Variants in LRRC28 observed in about 807,000 individuals in gnomAD.
LRRC28 encodes the protein leucine rich repeat containing 28, also known as leucine-rich repeat-containing protein 28.
LRRC28 carries 39 observed loss-of-function variants against 45.7 expected under a neutral mutation model. The observed-to-expected ratio is 0.85, with a 90% confidence interval of 0.66 to 1.12. The LOEUF is 1.12. Among genes scored for constraint, LRRC28 ranks in the 50% most tolerant of loss-of-function variants. The pLI is 0.00. For missense variants in LRRC28, 435 were observed against 438.5 expected (o/e 0.99, Z 0.07); for synonymous variants, 206 against 178.8 (o/e 1.15, Z -1.22).
At chr15:99,329,278 A>G (rs1251304329) in intron 5 of LRRC28, among the ~76,000 whole-genome samples, 1 of 152,248 alleles carries the variant, frequency 6.6e-6, no homozygotes, top group South Asian at 2.1e-4. Flanking sequence ...CAGACTTTCA[A>G]ACAGACAGCA....
intron 5 of LRRC28, among the ~76,000 whole-genome samples, chr15:99,316,524 G>A (rs1443557707): frequency 6.6e-6 from 1 of 152,064 alleles, no homozygotes; most frequent in African/African-American, 2.4e-5. Flanking sequence ...AGATTTGAAG[G>A]AAATTATGGA....
At chr15:99,312,844 A>G (rs901865752) in intron 5 of LRRC28, among the ~76,000 whole-genome samples, 4 of 152,342 alleles carry the variant, frequency 2.6e-5, no homozygotes, top group African/African-American at 9.6e-5. Flanking sequence ...TCATGACTGT[A>G]TGAGATAAAA....
rs903993518 is a variant in LRRC28 at position 99,387,901 on chromosome 15, TAC to T, written c.*1801_*1802del. The T allele has an allele frequency of 1.1e-4, 17 of 152,344 alleles. No individual in the cohort carries two copies. The highest frequency in any genetic ancestry group is 3.8e-4 in the African/African-American group (16 of 41,574). The allele number at this position is 152,344 out of a possible 1,614,324, so 9.4% of individuals were successfully genotyped here. On this transcript the variant is annotated 3_prime_UTR_variant, in exon 10 of 10. Transcript: ENST00000301981. ...GTTACTGACAAATGTGTGATCTTTTTACAGTCACAACACCTGCTGCCCGGAAA... is the reference window on the plus strand; with the variant it reads ...GTTACTGACAAATGTGTGATCTTTTTAGTCACAACACCTGCTGCCCGGAAA...
chr15:99,256,408 T>A (rs1386857393), intron 2 of LRRC28: 1 of 214,020 alleles, frequency 4.7e-6, no homozygotes, highest in African/African-American at 2.3e-5. Flanking sequence ...TCGTTTAGCA[T>A]GTGCTTCTGT....
At position 99,295,016 on chromosome 15, in the gene LRRC28, T is replaced by C. The variant is rs549565102; in HGVS notation, c.385+7065T>C. Among the ~76,000 whole-genome samples, 4 of 152,360 alleles carry C rather than the reference T, an allele frequency of 2.6e-5. No individual in the cohort carries two copies. The East Asian group carries it at 7.7e-4, about 29-fold the overall frequency. ...CATGGGGCTCGCCTCTTGTGTTCCC[T>C]AGATTTTAAGGATTGTAGTTCTGGG... On this transcript the variant is annotated intron_variant, in intron 5 of 9. Transcript: ENST00000301981.
chr15:99,296,201 G>A (rs773232225), intron 5 of LRRC28, among the ~76,000 whole-genome samples: 11 of 152,294 alleles, frequency 7.2e-5, no homozygotes, highest in Non-Finnish European at 1.3e-4. Context: ...ACAAGCCTGG[G>A]CACAGATGCT....
intron 5 of LRRC28, among the ~76,000 whole-genome samples, chr15:99,311,112 G>A (rs529690659): frequency 1.6e-4 from 25 of 152,234 alleles, no homozygotes; most frequent in Non-Finnish European, 3.4e-4. Flanking sequence ...AGCTATCTGG[G>A]CATGCACAGA....
In LRRC28 at chr15:99,334,080, C is replaced by G. The variant is rs760727794; in HGVS notation, c.543C>G (p.Ser181Arg). Residue 181 changes from serine to arginine, a missense_variant, in exon 6 of 10, where the codon AGC (serine) becomes AGG (arginine). By Grantham distance (110) the Ser-to-Arg change is moderately radical (BLOSUM62 -1). Transcript: ENST00000301981. ...YVPRHLCQLP[S>R]LNELSMAGNR... ...CGCGCCATCTCTGCCAGCTGCCCAG[C>G]CTCAATGAGCTCTCCATGGCTGGAA... 1 of 1,614,024 alleles carries G rather than the reference C, an allele frequency of 6.2e-7. No individual in the cohort carries two copies. Among genetic ancestry groups the G allele is most frequent in the African/African-American group, 1.3e-5 (1 of 74,914 alleles).
intron 5 of LRRC28, among the ~76,000 whole-genome samples, chr15:99,301,339 T>C (rs1954962074): frequency 6.6e-6 from 1 of 152,238 alleles, no homozygotes; most frequent in African/African-American, 2.4e-5. Flanking sequence ...GAGTTACTAA[T>C]AATTTTATCT....
chr15:99,312,364 G>T (rs1330556355), intron 5 of LRRC28, among the ~76,000 whole-genome samples: 3 of 152,134 alleles, frequency 2.0e-5, no homozygotes, highest in Non-Finnish European at 2.9e-5. Flanking sequence ...GGCCTACACA[G>T]GGTCAAGATA....
In LRRC28 at chr15:99,363,133, T is replaced by C; in HGVS notation, c.899T>C (p.Leu300Ser). Residue 300 changes from leucine to serine, a missense_variant, in exon 9 of 10, where the codon TTA becomes TCA. Physicochemically the swap from Leu to Ser is moderately radical, Grantham distance 145 (BLOSUM62 -2). Transcript: ENST00000301981. ...TTGAACTTTCTGTCTCCAATCTCATTACCCAGAAGTCTCCTAGAGCTGCTG... is the reference window on the plus strand; with the variant it reads ...TTGAACTTTCTGTCTCCAATCTCATCACCCAGAAGTCTCCTAGAGCTGCTG... ...KDLNFLSPIS[L>S]PRSLLELLHC... 6.2e-7 allele frequency: 1 copy of C among 1,610,980 alleles called. No homozygotes were observed. Among genetic ancestry groups the C allele is most frequent in the East Asian group, 2.2e-5 (1 of 44,786 alleles).
chr15:99,307,219 T>G (rs1315757802), intron 5 of LRRC28, among the ~76,000 whole-genome samples: 1 of 152,078 alleles, frequency 6.6e-6, no homozygotes, highest in Non-Finnish European at 1.5e-5. Context: ...GTGGGTTGGG[T>G]AGGGAGAACG....
At chr15:99,252,387 T>C (rs750382648) in intron 1 of LRRC28, among the ~76,000 whole-genome samples, 22 of 152,358 alleles carry the variant, frequency 1.4e-4, no homozygotes, top group Non-Finnish European at 3.1e-4. Flanking sequence ...TTGTAGCAAT[T>C]TTAACAGAGT....
At position 99,390,199 on chromosome 15, in the gene LRRC28, T is replaced by TG. The variant is rs1392786658; in HGVS notation, c.*4098dup. 6.6e-6 allele frequency: 1 copy of TG among 152,248 alleles called. No homozygotes were observed. The highest frequency in any genetic ancestry group is 1.5e-5 in the Non-Finnish European group (1 of 68,054). The allele number at this position is 152,248 out of a possible 1,614,324, so 9.4% of individuals were successfully genotyped here. On this transcript the variant is annotated 3_prime_UTR_variant, in exon 10 of 10. Coordinates refer to ENST00000301981, the MANE Select transcript of LRRC28 (RefSeq NM_144598.5). ...CATCAGCTAATAGATCTGAAAGTGA[T>TG]GCCGGTGTCTCTAGGAAAGGAATTG...
At chr15:99,297,053 C>T (rs12908043) in intron 5 of LRRC28, among the ~76,000 whole-genome samples, 8,095 of 151,722 alleles carry the variant, frequency 0.053, 284 homozygotes, top group Admixed American at 0.11. Flanking sequence ...TGGTGGTGGG[C>T]GCCTGTAATC....
At chr15:99,354,092 A>G (rs1163684481) in intron 7 of LRRC28, 2 of 152,218 alleles carry the variant, frequency 1.3e-5, no homozygotes, top group East Asian at 3.8e-4. Context: ...CAGTTTTCTA[A>G]TAGTAGTATT....
intron 5 of LRRC28, among the ~76,000 whole-genome samples, chr15:99,317,019 A>AG (rs1215642129): frequency 3.8e-5 from 5 of 131,170 alleles, no homozygotes; most frequent in African/African-American, 1.2e-4. Flanking sequence ...TTTTTTGGAG[A>AG]GGTGGGGAAG....
chr15:99,333,569 C>G (rs373470691), intron 5 of LRRC28: 38 of 228,736 alleles, frequency 1.7e-4, no homozygotes, highest in South Asian at 1.7e-3. Flanking sequence ...AAACCAGGTT[C>G]CTTGAAATGA....
chr15:99,328,229 G>A (rs1249853296), intron 5 of LRRC28, among the ~76,000 whole-genome samples: 1 of 152,164 alleles, frequency 6.6e-6, no homozygotes, highest in Non-Finnish European at 1.5e-5. Flanking sequence ...TTGCAGTGCT[G>A]ATCATAATCC....
Sources: allele counts gnomAD v4.1 joint callset (sites outside exome capture counted in the v4.1 genomes callset), GRCh38; gene constraint gnomAD v4.1.1; transcripts MANE v1.5; gene names NCBI Gene and HGNC (gene_info 2026-07-23, HGNC 2026-07-21).